Variants in ITGB3 observed in about 807,000 individuals in gnomAD.
The protein encoded by ITGB3 is integrin beta-3.
Under a neutral mutation model 85.8 loss-of-function variants are expected in ITGB3, and 48 were observed. That is an observed-to-expected ratio of 0.56 (90% confidence interval 0.44 to 0.71). The LOEUF is 0.71. Among genes scored for constraint, ITGB3 ranks in the 30% least tolerant of loss-of-function variants. The probability of loss-of-function intolerance (pLI) is 0.00; values close to 1 mark genes in which losing one functional copy is unlikely to be tolerated. For missense variants in ITGB3, 861 were observed against 1,019.1 expected (o/e 0.84, Z 2.11); for synonymous variants, 363 against 395.6 (o/e 0.92, Z 0.98).
chr17:47,289,732 A>C lies in ITGB3; in HGVS notation c.991A>C (p.Asn331His), dbSNP rs773664684. 1.8e-5 allele frequency: 29 copies of C among 1,613,978 alleles called. No homozygotes were observed. The South Asian group carries it at 2.9e-4, about 16-fold the overall frequency. The stretch of plus-strand genomic sequence containing the variant: ...TGAGAAGCTATCCCAGAAAAACATC[A>C]ATTTGATCTTTGCAGTGACTGAAAA... ...MTEKLSQKNI[N>H]LIFAVTENVV... Residue 331 changes from asparagine (N) to histidine (H), a missense_variant, in exon 7 of 15, where the codon AAT (asparagine) becomes CAT (histidine). Asn to His is a moderately conservative substitution (Grantham distance 68, BLOSUM62 1). Transcript: ENST00000559488.
At chr17:47,293,653 G>A (rs973002080) in intron 10 of ITGB3, among the ~76,000 whole-genome samples, 5 of 151,920 alleles carry the variant, frequency 3.3e-5, no homozygotes, top group African/African-American at 1.2e-4. Context: ...TCTATCGCCA[G>A]GCTGGAGTGC....
intron 12 of ITGB3, among the ~76,000 whole-genome samples, chr17:47,302,395 G>A (rs1182712094): frequency 6.6e-6 from 1 of 152,166 alleles, no homozygotes; most frequent in African/African-American, 2.4e-5. Context: ...AAGACTTGAT[G>A]AGGTCAGGTA....
chr17:47,302,736 ATGCAGTGAATT>A lies in ITGB3; in HGVS notation c.2031_2041del (p.Asp677GlufsTer4), dbSNP rs2143138089. On this transcript the variant is annotated frameshift_variant, in exon 13 of 15. Coordinates refer to ENST00000559488, the MANE Select transcript of ITGB3 (RefSeq NM_000212.3). LOFTEE classifies it high-confidence loss of function. Reference sequence around the variant, plus strand: ...CTACTCCCAGAGGACACTGGCAAGGATGCAGTGAATTGTACCTATAAGAATGAGGATGACTG... The same window carrying A: ...CTACTCCCAGAGGACACTGGCAAGGAGTACCTATAAGAATGAGGATGACTG... 2.5e-6 allele frequency: 4 copies of A among 1,614,068 alleles called. No homozygotes were observed. Among genetic ancestry groups the A allele is most frequent in the Middle Eastern group, 1.6e-4 (1 of 6,062 alleles).
Position 47,307,487 on chromosome 17 carries a change from T to C in ITGB3, c.2151T>C (p.Pro717=). 6.2e-7 allele frequency: 1 copy of C among 1,614,174 alleles called. No homozygotes were observed. ...TCCTCACAGAGTGTCCCAAGGGCCC[T>C]GACATCCTGGTGGTCCTGCTCTCAG... is the stretch of plus-strand genomic sequence containing the variant. ...VVEEPECPKG[P]DILVVLLSVM... The change falls in exon 14 of 15, where the codon CCT becomes CCC. Residue 717 remains proline, a synonymous_variant. Coordinates refer to ENST00000559488, the MANE Select transcript of ITGB3 (RefSeq NM_000212.3).
rs1282108694 is a variant in ITGB3, at chr17:47,253,854, C to T, written c.-8C>T. The T allele has an allele frequency of 4.9e-6, 6 of 1,217,386 alleles. No individual in the cohort carries two copies. In the East Asian group the frequency reaches 1.3e-4, roughly 27 times the overall value. The allele number at this position is 1,217,386 out of a possible 1,614,324, so 75.4% of individuals were successfully genotyped here. ...GGGGCGGGCGGAGCGCCGCGGGAGG[C>T]GGACGAGATGCGAGCGCGGCCGCGG... On this transcript the variant is annotated 5_prime_UTR_variant, in exon 1 of 15. Coordinates refer to ENST00000559488, the MANE Select transcript of ITGB3 (RefSeq NM_000212.3).
chr17:47,287,547 T>C (rs2065107385), intron 6 of ITGB3, among the ~76,000 whole-genome samples: 1 of 152,120 alleles, frequency 6.6e-6, no homozygotes, highest in South Asian at 2.1e-4. Flanking sequence ...TCCTCTCCAC[T>C]CTGATTAGCC....
Position 47,313,345 on chromosome 17 carries a change from TTC to T in ITGB3, c.*3143_*3144del, listed in dbSNP as rs1233760759. On this transcript the variant is annotated 3_prime_UTR_variant, in exon 15 of 15. Coordinates refer to ENST00000559488, the MANE Select transcript of ITGB3 (RefSeq NM_000212.3). Reference sequence around the variant, plus strand: ...TAAGTATTCCTGGTTGAAATTTCTTTTCTTTTTTTTTTTTTTTTTGAGACAGA... The same window carrying T: ...TAAGTATTCCTGGTTGAAATTTCTTTTTTTTTTTTTTTTTTTTGAGACAGA... Among the ~76,000 whole-genome samples the T allele has an allele frequency of 2.7e-5, 3 of 109,436 alleles. No homozygotes were observed. The highest frequency in any genetic ancestry group is 6.0e-5 in the Non-Finnish European group (3 of 49,686). The allele number at this position is 109,436 out of a possible 152,430, so 71.8% of individuals were successfully genotyped here.
chr17:47,254,192 C>T (rs117414137), intron 1 of ITGB3, among the ~76,000 whole-genome samples: 2 of 152,062 alleles, frequency 1.3e-5, no homozygotes, highest in Non-Finnish European at 2.9e-5. Flanking sequence ...AGGCTGAGCG[C>T]CTTCCCGGCC....
chr17:47,298,438 C>T lies in ITGB3; in HGVS notation c.1691-870C>T, dbSNP rs1287180885. ...GCTCCGTTGGCCAACTCCATGGGTT[C>T]TCAGTGCCGTCCCTCTGCCCCTTGG... On this transcript the variant is annotated intron_variant, in intron 10 of 14. Coordinates refer to ENST00000559488, the MANE Select transcript of ITGB3 (RefSeq NM_000212.3). 3.9e-5 allele frequency among the ~76,000 whole-genome samples: 6 copies of T among 152,214 alleles called. No individual in the cohort carries two copies. The East Asian group carries it at 1.2e-3, about 29-fold the overall frequency.
chr17:47,303,047 A>ACC (rs2065173359), intron 13 of ITGB3, among the ~76,000 whole-genome samples: 1 of 152,216 alleles, frequency 6.6e-6, no homozygotes, highest in Admixed American at 6.5e-5. Flanking sequence ...CAGGAGTTCA[A>ACC]TACCAGCCTG....
chr17:47,273,720 G>A (rs1159727375), intron 1 of ITGB3, among the ~76,000 whole-genome samples: 1 of 152,226 alleles, frequency 6.6e-6, no homozygotes, highest in Non-Finnish European at 1.5e-5. Flanking sequence ...TCATGAAGTA[G>A]TTAGCAGGAA....
intron 2 of ITGB3, among the ~76,000 whole-genome samples, chr17:47,278,801 A>G (rs568941581): frequency 6.6e-6 from 1 of 152,110 alleles, no homozygotes; most frequent in South Asian, 2.1e-4. Context: ...TGAACTGGGC[A>G]TGGGAGGGAT....
chr17:47,285,942 GC>G (rs1001693754), intron 4 of ITGB3, among the ~76,000 whole-genome samples: 8 of 152,114 alleles, frequency 5.3e-5, no homozygotes, highest in African/African-American at 1.7e-4. Context: ...TGCTATCCTG[GC>G]CCCTCTTTCA....
chr17:47,278,440 C>T (rs748969771), intron 2 of ITGB3, among the ~76,000 whole-genome samples: 24 of 151,996 alleles, frequency 1.6e-4, no homozygotes, highest in Non-Finnish European at 3.1e-4. Context: ...ATTAGCTGGG[C>T]GTGGTGGCGC....
Position 47,273,891 on chromosome 17 carries a change from T to G in ITGB3, c.80-528T>G, listed in dbSNP as rs2065053864. On this transcript the variant is annotated intron_variant, in intron 1 of 14. Coordinates refer to ENST00000559488, the MANE Select transcript of ITGB3 (RefSeq NM_000212.3). ...TGAGAAGCTTGAGAAGATTTCAGAT[T>G]TGCTTTTCTTTTGCCAGTCAGTGGG... 2.0e-5 allele frequency among the ~76,000 whole-genome samples: 3 copies of G among 152,228 alleles called. No homozygotes were observed. In the South Asian group the frequency reaches 6.2e-4, roughly 32 times the overall value.
In ITGB3 at chr17:47,284,644, C is replaced by T. The variant is rs143146734; in HGVS notation, c.563C>T (p.Ser188Leu). 1.2e-6 allele frequency: 2 copies of T among 1,614,118 alleles called. No individual in the cohort carries two copies. Among genetic ancestry groups the T allele is most frequent in the Non-Finnish European group, 1.7e-6 (2 of 1,180,026 alleles). Residue 188 changes from serine to leucine, a missense_variant, in exon 4 of 15, where the codon TCA becomes TTA. Ser to Leu is a moderately radical substitution (Grantham distance 145, BLOSUM62 -2). Transcript: ENST00000559488. ...GFGAFVDKPV[S>L]PYMYISPPEA... ...GGGGCATTTGTGGACAAGCCTGTGTCACCATACATGTATATCTCCCCACCA... is the reference window on the plus strand; with the variant it reads ...GGGGCATTTGTGGACAAGCCTGTGTTACCATACATGTATATCTCCCCACCA...
In ITGB3 at chr17:47,300,512, G is replaced by A. The variant is rs756486640; in HGVS notation, c.1948G>A (p.Ala650Thr). Residue 650 changes from alanine (A) to threonine (T), a missense_variant, in exon 12 of 15, where the codon GCC becomes ACC. Ala to Thr is a moderately conservative substitution (Grantham distance 58, BLOSUM62 0). Coordinates refer to ENST00000559488, the MANE Select transcript of ITGB3 (RefSeq NM_000212.3). ...GGAGTGTAAGAAGTTTGACCGGGGAGCCCTACATGACGAAAATACCTGCAA... is the reference window on the plus strand; with the variant it reads ...GGAGTGTAAGAAGTTTGACCGGGGAACCCTACATGACGAAAATACCTGCAA... ...CVECKKFDRG[A>T]LHDENTCNRY... The A allele has an allele frequency of 2.5e-6, 4 of 1,614,108 alleles. No homozygotes were observed. In the East Asian group the frequency reaches 8.9e-5, roughly 36 times the overall value.
chr17:47,307,717 A>G, intron 14 of ITGB3, 80 bp downstream of exon 14: 2 of 1,353,916 alleles, frequency 1.5e-6, no homozygotes, highest in South Asian at 1.2e-5. Flanking sequence ...TTGGGTGGTC[A>G]TGTTCAGCCA....
rs1288713594 is a variant in ITGB3, at chr17:47,283,602, A to G, written c.361+53A>G. On this transcript the variant is annotated intron_variant, in intron 3 of 14. Transcript: ENST00000559488. ...GACCTGAAGCAGGTGGGCATAGAGC[A>G]CAAGGTGGAGGTCTGAGGAGGAAGT... 4.5e-6 allele frequency: 7 copies of G among 1,563,236 alleles called. No individual in the cohort carries two copies. In the East Asian group the frequency reaches 1.3e-4, roughly 30 times the overall value.
Sources: allele counts gnomAD v4.1 joint callset (sites outside exome capture counted in the v4.1 genomes callset), GRCh38; gene constraint gnomAD v4.1.1; transcripts MANE v1.5; gene names NCBI Gene and HGNC (gene_info 2026-07-23, HGNC 2026-07-21).